The following IMMP2L variants were observed in gnomAD, a reference collection of about 807,000 sequenced individuals.
IMMP2L encodes inner mitochondrial membrane peptidase subunit 2, also known as mitochondrial inner membrane protease subunit 2.
Under a neutral mutation model 19.3 loss-of-function variants are expected in IMMP2L, and 18 were observed. The observed-to-expected ratio is 0.93, with a 90% CI of 0.64 to 1.38. The LOEUF (loss-of-function observed/expected upper bound fraction) is 1.38, where lower values mean the gene tolerates loss of function less well. Ranked by LOEUF, IMMP2L falls within the 40% of genes most tolerant of loss-of-function variation. IMMP2L has a pLI of 0.00. For synonymous variants in IMMP2L, 76 were observed against 73.0 expected (o/e 1.04, Z -0.21); for missense variants, 233 against 218.2 (o/e 1.07, Z -0.43).
chr7:110,775,157 A>G (rs933445348), intron 5 of IMMP2L, among the ~76,000 whole-genome samples: 2 of 151,896 alleles, frequency 1.3e-5, no homozygotes, highest in African/African-American at 2.4e-5. Flanking sequence ...CATCCCAAGA[A>G]TTTACTGACT....
At chr7:111,208,626 A>AC (rs1810976717) in intron 3 of IMMP2L, among the ~76,000 whole-genome samples, 1 of 152,210 alleles carries the variant, frequency 6.6e-6, no homozygotes, top group Non-Finnish European at 1.5e-5. Flanking sequence ...GAGTTATAAA[A>AC]CAAATGAAAA....
intron 3 of IMMP2L, among the ~76,000 whole-genome samples, chr7:110,996,413 G>A (rs1376612469): frequency 6.6e-6 from 1 of 152,094 alleles, no homozygotes; most frequent in Non-Finnish European, 1.5e-5. Context: ...GTAGGTATAT[G>A]CTTATGTCAG....
chr7:110,751,918 G>A (rs920471558), intron 5 of IMMP2L, among the ~76,000 whole-genome samples: 3 of 151,898 alleles, frequency 2.0e-5, no homozygotes, highest in African/African-American at 7.3e-5. Flanking sequence ...AGTGGTTCTA[G>A]AATTTAGAAC....
At chr7:110,824,352 A>C (rs1412966753) in intron 5 of IMMP2L, among the ~76,000 whole-genome samples, 1 of 152,152 alleles carries the variant, frequency 6.6e-6, no homozygotes, top group African/African-American at 2.4e-5. Context: ...GGATAGACTA[A>C]AAATAATTTT....
chr7:110,747,372 AAG>A (rs1459624405), intron 5 of IMMP2L, among the ~76,000 whole-genome samples: 1 of 152,208 alleles, frequency 6.6e-6, no homozygotes, highest in Non-Finnish European at 1.5e-5. Flanking sequence ...ACAACAGAAA[AAG>A]AGGGAATCCT....
intron 3 of IMMP2L, among the ~76,000 whole-genome samples, chr7:111,391,343 C>T (rs1361643244): frequency 6.6e-6 from 1 of 152,172 alleles, no homozygotes; most frequent in Non-Finnish European, 1.5e-5. Context: ...GCTTCACACT[C>T]ACCAAGAGGG....
intron 2 of IMMP2L, among the ~76,000 whole-genome samples, chr7:111,491,016 CT>C (rs1236356423): frequency 6.6e-6 from 1 of 152,090 alleles, no homozygotes; most frequent in Non-Finnish European, 1.5e-5. Context: ...TCTGCCACCC[CT>C]GAGACAGTAA....
chr7:111,002,590 G>A (rs1476421988), intron 3 of IMMP2L, among the ~76,000 whole-genome samples: 2 of 152,050 alleles, frequency 1.3e-5, no homozygotes, highest in East Asian at 3.9e-4. Flanking sequence ...GTTATGGGAT[G>A]GGATATGAAG....
intron 3 of IMMP2L, among the ~76,000 whole-genome samples, chr7:111,227,994 C>T (rs1403303723): frequency 6.6e-6 from 1 of 152,060 alleles, no homozygotes; most frequent in Non-Finnish European, 1.5e-5. Context: ...ATTTCGACAG[C>T]ATGTAGTGAT....
chr7:111,500,969 C>T lies in IMMP2L; in HGVS notation c.136-13628G>A, dbSNP rs370213985. Among the ~76,000 whole-genome samples, 41 of 152,222 alleles carry T rather than the reference C, an allele frequency of 2.7e-4. No individual in the cohort carries two copies. In the South Asian group the frequency reaches 5.4e-3, roughly 20 times the overall value. On this transcript the variant is annotated intron_variant, in intron 2 of 5. Transcript: ENST00000405709. ...TCACCAGCAACGGAACAAAGCTGGACGGAGAATGACTTTGACGAGTTGAGA... is the reference window on the plus strand; with the variant it reads ...TCACCAGCAACGGAACAAAGCTGGATGGAGAATGACTTTGACGAGTTGAGA...
intron 3 of IMMP2L, among the ~76,000 whole-genome samples, chr7:111,418,518 C>T (rs945548230): frequency 1.3e-5 from 2 of 151,752 alleles, no homozygotes; most frequent in East Asian, 1.9e-4. Context: ...TTTCAGCCTT[C>T]GGTACAAAAA....
chr7:111,128,740 G>T (rs1031525123), intron 3 of IMMP2L, among the ~76,000 whole-genome samples: 3 of 152,100 alleles, frequency 2.0e-5, no homozygotes, highest in Non-Finnish European at 4.4e-5. Flanking sequence ...CAGGAGAATC[G>T]CTTGAATCTG....
chr7:110,765,617 A>C (rs1289061988), intron 5 of IMMP2L, among the ~76,000 whole-genome samples: 1 of 152,166 alleles, frequency 6.6e-6, no homozygotes, highest in Admixed American at 6.6e-5. Context: ...TGGCTAGGTC[A>C]TAACTACTGG....
At chr7:111,558,788 G>C (rs895515659) in intron 1 of IMMP2L, among the ~76,000 whole-genome samples, 24 of 152,134 alleles carry the variant, frequency 1.6e-4, no homozygotes, top group African/African-American at 5.6e-4. Flanking sequence ...GTAAGTACTA[G>C]ATTTCCTGGG....
intron 3 of IMMP2L, among the ~76,000 whole-genome samples, chr7:110,980,615 T>C (rs1821200697): frequency 6.6e-6 from 1 of 152,168 alleles, no homozygotes. Context: ...AGTTTTTACA[T>C]GACTAGATAC....
intron 5 of IMMP2L, among the ~76,000 whole-genome samples, chr7:110,847,541 G>T (rs530912976): frequency 1.3e-5 from 2 of 152,268 alleles, no homozygotes; most frequent in African/African-American, 4.8e-5. Context: ...TCAAAAGCAA[G>T]TTGTTTTGTA....
chr7:111,071,208 C>A lies in IMMP2L; in HGVS notation c.240-107643G>T, dbSNP rs546593878. On this transcript the variant is annotated intron_variant, in intron 3 of 5. Transcript: ENST00000405709. ...ACTAAAATTATAAGAATTTTTAAAT[C>A]CCCACACATACAAAAACAAAAAATA... Among the ~76,000 whole-genome samples, 35 of 152,056 alleles carry A rather than the reference C, an allele frequency of 2.3e-4. 1 individual carries two copies. Among genetic ancestry groups the A allele is most frequent in the African/African-American group, 8.4e-4 (35 of 41,514 alleles).
Position 111,492,268 on chromosome 7 carries a change from A to C in IMMP2L, c.136-4927T>G, listed in dbSNP as rs150300845. 300 of 359,422 alleles carry C rather than the reference A, an allele frequency of 8.3e-4. 1 individual carries two copies. Among genetic ancestry groups the C allele is most frequent in the African/African-American group, 6.4e-3 (290 of 45,162 alleles). 22.3% of individuals were successfully genotyped at this position (359,422 alleles called of 1,614,324 possible). On this transcript the variant is annotated intron_variant, in intron 2 of 5. Coordinates refer to ENST00000405709, the MANE Select transcript of IMMP2L (RefSeq NM_032549.4). Reference sequence around the variant, plus strand: ...ATTTCCAAAGATTTTCAAAATTAACAAGGTCAAAACAAAGATCCTATTCCA... The same window carrying C: ...ATTTCCAAAGATTTTCAAAATTAACCAGGTCAAAACAAAGATCCTATTCCA...
At chr7:110,753,330 C>T (rs1028437624) in intron 5 of IMMP2L, among the ~76,000 whole-genome samples, 6 of 151,990 alleles carry the variant, frequency 3.9e-5, no homozygotes, top group African/African-American at 9.7e-5. Context: ...GGATGACCCA[C>T]GGTGGCTTCC....
Sources: gnomAD v4.1 joint callset for allele counts (sites outside exome capture counted in the v4.1 genomes callset) on GRCh38, gnomAD v4.1.1 for gene constraint, MANE v1.5 for transcripts, NCBI Gene and HGNC (gene_info 2026-07-23, HGNC 2026-07-21) for gene names.